The following SERPINB9 variants were observed in gnomAD, a reference collection of about 807,000 sequenced individuals.
SERPINB9 encodes serpin family B member 9, also known as serpin B9.
Under a neutral mutation model 27.2 loss-of-function variants are expected in SERPINB9, and 20 were observed. The observed-to-expected ratio is 0.74, with a 90% CI of 0.52 to 1.07. SERPINB9 has a LOEUF of 1.07. Among genes scored for constraint, SERPINB9 ranks in the 50% least tolerant of loss-of-function variants. The pLI, the probability that SERPINB9 is intolerant of heterozygous loss-of-function variation, is 0.00. For missense variants in SERPINB9, 476 were observed against 460.1 expected, an observed-to-expected ratio of 1.03 and a Z score of -0.32; for synonymous variants, 189 against 180.0, an observed-to-expected ratio of 1.05 and a Z score of -0.40.
chr6:2,898,631 C>T (rs539017823), intron 2 of SERPINB9, among the ~76,000 whole-genome samples: 22 of 152,186 alleles, frequency 1.4e-4, no homozygotes, highest in Middle Eastern at 3.4e-3. Context: ...TCCTGACTAA[C>T]ACAGTGAAAC....
chr6:2,903,183 G>C lies in SERPINB9; in HGVS notation c.-11+18C>G, dbSNP rs1768258885. On this transcript the variant is annotated intron_variant, in intron 1 of 6. Coordinates refer to ENST00000380698, the MANE Select transcript of SERPINB9 (RefSeq NM_004155.6). This position sits in a 1 kb window ranked among gnomAD's most constrained non-coding sequence, Gnocchi z 5.2. ...CACTCCCGTCCCCTACCCCAGCCGT[G>C]CGCGGGGACGCCCTCACCTGCCACC... is the stretch of plus-strand genomic sequence containing the variant. The C allele has an allele frequency of 6.6e-6, 1 of 152,292 alleles. No individual in the cohort carries two copies. Among genetic ancestry groups the C allele is most frequent in the South Asian group, 2.1e-4 (1 of 4,834 alleles). 9.4% of individuals were successfully genotyped at this position (152,292 alleles called of 1,614,324 possible).
Position 2,890,240 on chromosome 6 carries a change from C to T in SERPINB9, c.1054G>A (p.Asp352Asn). 1 of 1,614,218 alleles carries T rather than the reference C, an allele frequency of 6.2e-7. No homozygotes were observed. The highest frequency in any genetic ancestry group is 2.2e-5 in the East Asian group (1 of 44,890). The change falls in exon 7 of 7, where the codon GAC becomes AAC. Residue 352 changes from aspartate (D) to asparagine (N), a missense_variant. Asp to Asn is a conservative substitution (Grantham distance 23). Coordinates refer to ENST00000380698, the MANE Select transcript of SERPINB9 (RefSeq NM_004155.6). This position sits in a 1 kb window ranked among gnomAD's most constrained non-coding sequence, Gnocchi z 6.2. ...CTGATGAAGAAAAGGAAAGGGTGGT[C>T]AGCACAGAACCTGGGGCCAGATTCC... ...CMESGPRFCA[D>N]HPFLFFIRHN...
At chr6:2,898,014 C>T (rs919403856) in intron 2 of SERPINB9, among the ~76,000 whole-genome samples, 8 of 151,492 alleles carry the variant, frequency 5.3e-5, no homozygotes, top group Non-Finnish European at 1.2e-4. Context: ...AGTTGGAGGT[C>T]GTAGTGAGCT....
chr6:2,895,873 G>T (rs1294615032), intron 3 of SERPINB9, among the ~76,000 whole-genome samples, 180 bp downstream of exon 3: 3 of 151,910 alleles, frequency 2.0e-5, no homozygotes. Context: ...GATCACTTGA[G>T]ACCAGGAGTT....
At chr6:2,900,302 C>T (rs1768152563) in intron 2 of SERPINB9, 142 bp downstream of exon 2, 10 of 961,748 alleles carry the variant, frequency 1.0e-5, no homozygotes, top group Non-Finnish European at 1.5e-5. Context: ...CCCAGTGGAC[C>T]CCGCCTCCCT....
chr6:2,891,230 G>A lies in SERPINB9; in HGVS notation c.723+603C>T, dbSNP rs1440771280. Among the ~76,000 whole-genome samples the A allele has an allele frequency of 6.6e-6, 1 of 152,148 alleles. No homozygotes were observed. The highest frequency in any genetic ancestry group is 1.5e-5 in the Non-Finnish European group (1 of 68,034). ...CCGAGTGCCTGGATGTGCCCTCAGA[G>A]GCTGCCTCTGGTCCCACCCTCTGAG... On this transcript the variant is annotated intron_variant, in intron 6 of 6. Transcript: ENST00000380698. This position sits in a 1 kb window ranked among gnomAD's most constrained non-coding sequence, Gnocchi z 4.0.
chr6:2,889,677 A>G lies in SERPINB9; in HGVS notation c.*486T>C, dbSNP rs1767718674. 1 of 150,116 alleles carries G rather than the reference A, an allele frequency of 6.7e-6. No homozygotes were observed. Among genetic ancestry groups the G allele is most frequent in the Non-Finnish European group, 1.5e-5 (1 of 67,680 alleles). The allele number at this position is 150,116 out of a possible 1,614,324, so 9.3% of individuals were successfully genotyped here. ...GCCACTGCACTCCAGCCTGGGCGAC[A>G]GAGAGCCAGACTGCGTCTCAGAAAA... On this transcript the variant is annotated 3_prime_UTR_variant, in exon 7 of 7. Transcript: ENST00000380698.
intron 1 of SERPINB9, among the ~76,000 whole-genome samples, chr6:2,902,204 C>T (rs113846396): frequency 5.3e-5 from 8 of 152,168 alleles, no homozygotes; most frequent in Non-Finnish European, 1.2e-4. Flanking sequence ...TCCATCACGG[C>T]ATTAATTCCA....
In SERPINB9 at chr6:2,890,308, G is replaced by A; in HGVS notation, c.986C>T (p.Ala329Val). 1 of 1,614,218 alleles carries A rather than the reference G, an allele frequency of 6.2e-7. No individual in the cohort carries two copies. Among genetic ancestry groups the A allele is most frequent in the Non-Finnish European group, 8.5e-7 (1 of 1,180,032 alleles). The change falls in exon 7 of 7, where the codon GCA becomes GTA. Residue 329 changes from alanine (A) to valine (V), a missense_variant. Coordinates refer to ENST00000380698, the MANE Select transcript of SERPINB9 (RefSeq NM_004155.6). The surrounding 1 kb of genome is among the most constrained non-coding windows in gnomAD (Gnocchi z 6.2). Reference sequence around the variant, plus strand: ...TACAAAGCAGCTCGACGCTGCCGCTGCCTCGGTGCCTTCTTCATTCACCTC... The same window carrying A: ...TACAAAGCAGCTCGACGCTGCCGCTACCTCGGTGCCTTCTTCATTCACCTC... ...FVEVNEEGTE[A>V]AAASSCFVVA...
chr6:2,891,937 C>T lies in SERPINB9; in HGVS notation c.619G>A (p.Ala207Thr), dbSNP rs867785446. 8.7e-6 allele frequency: 14 copies of T among 1,613,476 alleles called. No individual in the cohort carries two copies. The highest frequency in any genetic ancestry group is 1.7e-5 in the Admixed American group (1 of 59,992). ...MMYQEATFKL[A>T]HVGEVRAQLL... ...TGCGCGCGCACCTCGCCCACGTGGG[C>T]GAGCTTAAACGTGGCCTCCTGATAC... Residue 207 changes from alanine (A) to threonine (T), a missense_variant, in exon 6 of 7, where the codon GCC becomes ACC. Physicochemically the swap from Ala to Thr is moderately conservative, Grantham distance 58. Transcript: ENST00000380698. The surrounding 1 kb of genome is among the most constrained non-coding windows in gnomAD (Gnocchi z 4.0).
chr6:2,901,935 C>T (rs1000502128), intron 1 of SERPINB9, among the ~76,000 whole-genome samples: 1 of 151,854 alleles, frequency 6.6e-6, no homozygotes, highest in African/African-American at 2.4e-5. Context: ...CTCCCCCAGC[C>T]ACCCCCACGC....
intron 4 of SERPINB9, 45 bp downstream of exon 4, chr6:2,895,346 A>T (rs755388666): frequency 7.8e-7 from 1 of 1,277,894 alleles, no homozygotes; most frequent in Non-Finnish European, 1.1e-6. Flanking sequence ...GAGCCGCAGG[A>T]GGAGGACGGG....
intron 4 of SERPINB9, 128 bp from the exon 5 acceptor site, chr6:2,893,681 G>C (rs1767902274): frequency 2.7e-6 from 2 of 739,100 alleles, no homozygotes; most frequent in East Asian, 5.5e-5. Context: ...TTGTTATGTA[G>C]AGAAATAAAA....
At position 2,890,763 on chromosome 6, in the gene SERPINB9, G is replaced by A. The variant is rs1767771762; in HGVS notation, c.724-193C>T. On this transcript the variant is annotated intron_variant, in intron 6 of 6. Coordinates refer to ENST00000380698, the MANE Select transcript of SERPINB9 (RefSeq NM_004155.6). This position sits in a 1 kb window ranked among gnomAD's most constrained non-coding sequence, Gnocchi z 6.2. ...GTCCCATGTGCCACTTCCTTGACAAGGGGGAGAGACACCAAGCAGTCAGAG... is the reference window on the plus strand; with the variant it reads ...GTCCCATGTGCCACTTCCTTGACAAAGGGGAGAGACACCAAGCAGTCAGAG... Among the ~76,000 whole-genome samples, 3 of 152,264 alleles carry A rather than the reference G, an allele frequency of 2.0e-5. No homozygotes were observed. The highest frequency in any genetic ancestry group is 3.9e-4 in the East Asian group (2 of 5,188).
chr6:2,900,071 T>C, intron 2 of SERPINB9: 1 of 365,390 alleles, frequency 2.7e-6, no homozygotes, highest in Non-Finnish European at 5.4e-6. Context: ...TAACCTTCCT[T>C]ACCAATGAAA....
intron 3 of SERPINB9, 48 bp from the exon 4 acceptor site, chr6:2,895,556 G>A: frequency 1.7e-6 from 2 of 1,207,284 alleles, no homozygotes. Flanking sequence ...AAATACAAAT[G>A]TCAGCAAACT....
Position 2,900,445 on chromosome 6 carries a change from T to C in SERPINB9, c.167A>G (p.Gln56Arg), listed in dbSNP as rs1415613574. Residue 56 changes from glutamine (Q) to arginine (R), a missense_variant and splice_region_variant, in exon 2 of 7, where the codon CAG becomes CGG. Physicochemically the swap from Gln to Arg is conservative, Grantham distance 43. Transcript: ENST00000380698. The part of the protein sequence containing the change: ...AKGNTATQMA[Q>R]ALSLNTEEDI... ...CTCCTGGCGGACGGGCAAGCTTACC[T>C]GGGCCATCTGGGTTGCGGTGTTTCC... 2 of 1,613,754 alleles carry C rather than the reference T, an allele frequency of 1.2e-6. No individual in the cohort carries two copies. Among genetic ancestry groups the C allele is most frequent in the Admixed American group, 3.3e-5 (2 of 59,960 alleles).
intron 1 of SERPINB9, 61 bp from the exon 2 acceptor site, chr6:2,900,682 T>G: frequency 7.0e-7 from 1 of 1,423,180 alleles, no homozygotes; most frequent in South Asian, 1.3e-5. Flanking sequence ...ACTGACCTAC[T>G]TACTACAGGG....
chr6:2,900,985 GGGA>G (rs970335313), intron 1 of SERPINB9, among the ~76,000 whole-genome samples: 4 of 152,110 alleles, frequency 2.6e-5, no homozygotes, highest in Non-Finnish European at 5.9e-5. Context: ...AATGGGGTCA[GGGA>G]GGAGGAGGAA....
Sources: allele counts gnomAD v4.1 joint callset (sites outside exome capture counted in the v4.1 genomes callset), GRCh38; gene constraint gnomAD v4.1.1; non-coding constraint Gnocchi (gnomAD v3.1); transcripts MANE v1.5; gene names NCBI Gene and HGNC (gene_info 2026-07-23, HGNC 2026-07-21).